THSD7B: variants seen among roughly 807,000 people sequenced by gnomAD.
The protein encoded by THSD7B is thrombospondin type 1 domain containing 7B.
A neutral mutation model predicts 213.6 loss-of-function variants in THSD7B; 138 were observed. That is an observed-to-expected ratio of 0.65 (90% CI 0.56 to 0.74). The LOEUF is 0.74. Ranked by LOEUF, THSD7B falls within the 30% of genes least tolerant of loss-of-function variation. The pLI is 0.00. For synonymous variants in THSD7B, 742 were observed against 687.0 expected (o/e 1.08, Z -1.25); for missense variants, 1,931 against 1,991.5 (o/e 0.97, Z 0.58).
At chr2:136,888,043 A>G (rs1346873029) in intron 2 of THSD7B, among the ~76,000 whole-genome samples, 2 of 152,156 alleles carry the variant, frequency 1.3e-5, no homozygotes, top group African/African-American at 4.8e-5. Flanking sequence ...CAGGTTTAAA[A>G]TATTTACTTG....
At chr2:137,271,365 G>A (rs1682728824) in intron 10 of THSD7B, among the ~76,000 whole-genome samples, 1 of 142,638 alleles carries the variant, frequency 7.0e-6, no homozygotes, top group Non-Finnish European at 1.5e-5. Flanking sequence ...GGCCTGAAAT[G>A]GCTTCATTCA....
At chr2:137,404,437 A>G (rs1448898685) in intron 12 of THSD7B, among the ~76,000 whole-genome samples, 145 of 16,232 alleles carry the variant, frequency 8.9e-3, no homozygotes, top group Admixed American at 0.019. Context: ...TGAGATATAT[A>G]TATATATATA....
intron 2 of THSD7B, among the ~76,000 whole-genome samples, chr2:136,950,574 A>G (rs1196857114): frequency 6.6e-6 from 1 of 152,176 alleles, no homozygotes; most frequent in Non-Finnish European, 1.5e-5. Flanking sequence ...CTGATTCTTA[A>G]TATTACGATT....
chr2:137,068,737 A>G (rs558276990), intron 3 of THSD7B, among the ~76,000 whole-genome samples: 1 of 152,220 alleles, frequency 6.6e-6, no homozygotes, highest in South Asian at 2.1e-4. Context: ...TCATATGCCT[A>G]ACTTCGGATC....
At chr2:137,117,157 T>C (rs1207793473) in intron 5 of THSD7B, among the ~76,000 whole-genome samples, 1 of 152,116 alleles carries the variant, frequency 6.6e-6, no homozygotes, top group Non-Finnish European at 1.5e-5. Context: ...GTAGTTGTTA[T>C]CAAAGGTTTT....
intron 12 of THSD7B, among the ~76,000 whole-genome samples, chr2:137,283,282 T>C (rs1683080804): frequency 6.6e-6 from 1 of 152,190 alleles, no homozygotes; most frequent in South Asian, 2.1e-4. Context: ...TGAAGTTGCT[T>C]ATCATTTTAA....
intron 7 of THSD7B, among the ~76,000 whole-genome samples, chr2:137,202,443 A>G (rs1680897352): frequency 6.6e-6 from 1 of 152,172 alleles, no homozygotes; most frequent in Non-Finnish European, 1.5e-5. Context: ...GGAGATGGCG[A>G]GGTGAAAAGA....
chr2:137,486,488 TA>T (rs1416705370), intron 15 of THSD7B, among the ~76,000 whole-genome samples: 1 of 151,500 alleles, frequency 6.6e-6, no homozygotes, highest in Admixed American at 6.6e-5. Flanking sequence ...CCCAGATTCA[TA>T]AAGCAAGTCC....
intron 9 of THSD7B, among the ~76,000 whole-genome samples, chr2:137,239,567 G>A (rs943958738): frequency 5.9e-5 from 9 of 152,122 alleles, no homozygotes; most frequent in African/African-American, 2.2e-4. Context: ...TCTAAAGGAT[G>A]TATTTTTCAC....
intron 3 of THSD7B, among the ~76,000 whole-genome samples, chr2:137,083,058 G>A (rs898512860): frequency 6.6e-6 from 1 of 152,026 alleles, no homozygotes; most frequent in Non-Finnish European, 1.5e-5. Flanking sequence ...TTAACTGCAT[G>A]ATGTTAGGTT....
At chr2:137,363,192 A>G (rs2104938354) in intron 12 of THSD7B, among the ~76,000 whole-genome samples, 1 of 152,346 alleles carries the variant, frequency 6.6e-6, no homozygotes, top group South Asian at 2.1e-4. Context: ...AACCAATGAG[A>G]ACAAAGACAT....
chr2:137,572,468 A>G lies in THSD7B; in HGVS notation c.3335A>G (p.Glu1112Gly), dbSNP rs1035987410. The G allele has an allele frequency of 1.8e-5, 29 of 1,613,832 alleles. No homozygotes were observed. In the African/African-American group the frequency reaches 3.1e-4, roughly 17 times the overall value. The change falls in exon 17 of 28, where the codon GAA becomes GGA. Residue 1112 changes from glutamate to glycine, a missense_variant. Physicochemically the swap from Glu to Gly is moderately conservative, Grantham distance 98 (BLOSUM62 -2). Coordinates refer to ENST00000409968, the MANE Select transcript of THSD7B (RefSeq NM_001316349.2). ...AVDSNLCNQD[E>G]IPPETQSCSL... is the part of the protein sequence containing the mutation. ...GATAGCAACCTGTGCAACCAGGATG[A>G]AATTCCCCCAGAAACCCAGTCCTGT...
At chr2:137,577,927 G>A (rs577717054) in intron 17 of THSD7B, among the ~76,000 whole-genome samples, 5 of 152,178 alleles carry the variant, frequency 3.3e-5, no homozygotes, top group Non-Finnish European at 7.4e-5. Flanking sequence ...CAAGAGAATT[G>A]GAGAGAGAAG....
At chr2:137,584,078 G>C (rs573753346) in intron 17 of THSD7B, among the ~76,000 whole-genome samples, 1 of 152,180 alleles carries the variant, frequency 6.6e-6, no homozygotes, top group South Asian at 2.1e-4. Flanking sequence ...GGAATCCTAG[G>C]TATTTCATTC....
chr2:137,508,370 A>T (rs911652144), intron 15 of THSD7B, among the ~76,000 whole-genome samples: 1 of 140,548 alleles, frequency 7.1e-6, no homozygotes, highest in Non-Finnish European at 1.5e-5. Context: ...TCTGCTAAAT[A>T]AAACAATTTT....
rs57653701 is a variant in THSD7B, at chr2:137,160,193, G to T, written c.1370-20G>T. On this transcript the variant is annotated intron_variant, in intron 5 of 27. Transcript: ENST00000409968. ...ATGTCCAGAGAATGTGACATGGTCC[G>T]TTATCTTTTTGTCCCTCAGTCTCTA... The T allele has an allele frequency of 1.2e-6, 2 of 1,604,242 alleles. No individual in the cohort carries two copies. The highest frequency in any genetic ancestry group is 1.7e-6 in the Non-Finnish European group (2 of 1,175,282).
At chr2:137,330,844 T>C (rs1218758378) in intron 12 of THSD7B, among the ~76,000 whole-genome samples, 1 of 152,176 alleles carries the variant, frequency 6.6e-6, no homozygotes, top group African/African-American at 2.4e-5. Context: ...TATTCTCTTA[T>C]TTGGCCCCAC....
At chr2:137,443,941 T>C (rs1687473534) in intron 14 of THSD7B, among the ~76,000 whole-genome samples, 1 of 152,046 alleles carries the variant, frequency 6.6e-6, no homozygotes, top group Non-Finnish European at 1.5e-5. Flanking sequence ...GTTATCATAT[T>C]GTGGATCTAA....
At chr2:136,834,374 C>A (rs1682811955) in intron 1 of THSD7B, among the ~76,000 whole-genome samples, 4 of 152,270 alleles carry the variant, frequency 2.6e-5, no homozygotes, top group Admixed American at 2.6e-4. Flanking sequence ...ACAGACGTTG[C>A]TGTAATAGAA....
Sources: allele counts gnomAD v4.1 joint callset (sites outside exome capture counted in the v4.1 genomes callset), GRCh38; gene constraint gnomAD v4.1.1; transcripts MANE v1.5; gene names NCBI Gene and HGNC (gene_info 2026-07-23, HGNC 2026-07-21).